The following CAMK2A variants were observed in gnomAD, a reference collection of about 807,000 sequenced individuals.
CAMK2A encodes calcium/calmodulin dependent protein kinase II alpha.
In CAMK2A, 7 loss-of-function variants were observed where a neutral mutation model predicts 79.2. The ratio of observed to expected loss-of-function variants is 0.09; its 90% CI spans 0.05 to 0.17. CAMK2A has a LOEUF of 0.17. Among genes scored for constraint, CAMK2A ranks in the 10% least tolerant of loss-of-function variants. The pLI, the probability that CAMK2A is intolerant of heterozygous loss-of-function variation, is 1.00. For synonymous variants in CAMK2A, 242 were observed against 251.7 expected, an observed-to-expected ratio of 0.96 and a Z score of 0.36; for missense variants, 214 against 646.4, an observed-to-expected ratio of 0.33 and a Z score of 7.25.
In CAMK2A at chr5:150,221,957, T is replaced by C; in HGVS notation, c.*753A>G. 1 of 212,956 alleles carries C rather than the reference T, an allele frequency of 4.7e-6. No individual in the cohort carries two copies. Among genetic ancestry groups the C allele is most frequent in the Non-Finnish European group, 9.3e-6 (1 of 107,510 alleles). The allele number at this position is 212,956 out of a possible 1,614,324, so 13.2% of individuals were successfully genotyped here. A position where few individuals can be genotyped will look rare whatever the true frequency, so the allele number is the denominator to read the frequency against. Reference sequence around the variant, plus strand: ...TAGAAGTGATACCTAAACGTTGCTTTCTTTTGCCCCCCAAAAACAATTAGA... The same window carrying C: ...TAGAAGTGATACCTAAACGTTGCTTCCTTTTGCCCCCCAAAAACAATTAGA... On this transcript the variant is annotated 3_prime_UTR_variant, in exon 19 of 19. Transcript: ENST00000671881.
intron 2 of CAMK2A, among the ~76,000 whole-genome samples, chr5:150,269,855 C>G (rs1215326073): frequency 6.6e-6 from 1 of 152,170 alleles, no homozygotes; most frequent in Non-Finnish European, 1.5e-5. Context: ...CATGTCTTGC[C>G]GTCCCCTCAG....
intron 16 of CAMK2A, among the ~76,000 whole-genome samples, chr5:150,230,186 C>T (rs984323811): frequency 1.3e-5 from 2 of 151,966 alleles, no homozygotes; most frequent in South Asian, 2.1e-4. Flanking sequence ...GGCGTGGTGG[C>T]GTGCACCTGT....
chr5:150,225,322 C>T (rs1409650881), intron 17 of CAMK2A, among the ~76,000 whole-genome samples: 2 of 152,076 alleles, frequency 1.3e-5, no homozygotes, highest in Non-Finnish European at 2.9e-5. Context: ...TACCCCTGTG[C>T]ATAGGGTGGG....
chr5:150,238,455 AAAATAAAATAAAAAT>A lies in CAMK2A; in HGVS notation c.1066+230_1066+244del, dbSNP rs534192067. On this transcript the variant is annotated intron_variant, in intron 15 of 18. Coordinates refer to ENST00000671881, the MANE Select transcript of CAMK2A (RefSeq NM_015981.4). ...CGACAGAGCGAGACGTCATCTCAAAAAAATAAAATAAAAATAAATAAAATAAGAAAACCTATCTAC... is the reference window on the plus strand; with the variant it reads ...CGACAGAGCGAGACGTCATCTCAAAAAAATAAAATAAGAAAACCTATCTAC... The A allele has an allele frequency of 1.4e-3, 613 of 431,518 alleles. 2 individuals carry two copies. Among genetic ancestry groups the A allele is most frequent in the African/African-American group, 0.012 (559 of 48,346 alleles). The allele number at this position is 431,518 out of a possible 1,614,324, so 26.7% of individuals were successfully genotyped here. A position where few individuals can be genotyped will look rare whatever the true frequency, so the allele number is the denominator to read the frequency against.
intron 3 of CAMK2A, 115 bp downstream of exon 3, chr5:150,264,841 A>C: frequency 1.3e-6 from 1 of 764,962 alleles, no homozygotes; most frequent in Admixed American, 1.9e-5. Flanking sequence ...TGCTGCCTCC[A>C]TCCCCAGAGA....
intron 15 of CAMK2A, chr5:150,238,493 T>G: frequency 1.5e-6 from 1 of 646,364 alleles, no homozygotes; most frequent in South Asian, 1.7e-5. Context: ...AAAACCTATC[T>G]ACACACCAGC....
At chr5:150,224,272 C>G (rs771117718) in intron 17 of CAMK2A, among the ~76,000 whole-genome samples, 1 of 152,138 alleles carries the variant, frequency 6.6e-6, no homozygotes, top group African/African-American at 2.4e-5. Flanking sequence ...GTATCTTGGG[C>G]TTGAGAGGAG....
At chr5:150,230,133 C>G (rs1754774125) in intron 16 of CAMK2A, among the ~76,000 whole-genome samples, 1 of 151,986 alleles carries the variant, frequency 6.6e-6, no homozygotes, top group Non-Finnish European at 1.5e-5. Flanking sequence ...GCCTGACCAA[C>G]ATGGTGAAAC....
In CAMK2A at chr5:150,265,173, G is replaced by T. The variant is rs1050332140; in HGVS notation, c.158-158C>A. 1.9e-5 allele frequency: 12 copies of T among 645,470 alleles called. No individual in the cohort carries two copies. In the East Asian group the frequency reaches 3.4e-4, roughly 18 times the overall value. 40.0% of individuals were successfully genotyped at this position (645,470 alleles called of 1,614,324 possible). A position where few individuals can be genotyped will look rare whatever the true frequency, so the allele number is the denominator to read the frequency against. ...CCAGGGCCTCTGAGTTCTCCAGGAA[G>T]ACCATGGGGTGCAGTGGAAAGAGGA... On this transcript the variant is annotated intron_variant, in intron 2 of 18. Coordinates refer to ENST00000671881, the MANE Select transcript of CAMK2A (RefSeq NM_015981.4).
At chr5:150,289,388 T>A (rs1466839769) in intron 1 of CAMK2A, among the ~76,000 whole-genome samples, 176 bp downstream of exon 1, 1 of 152,082 alleles carries the variant, frequency 6.6e-6, no homozygotes, top group Non-Finnish European at 1.5e-5. Context: ...CCCACAAACA[T>A]ACCCACGCCC....
intron 3 of CAMK2A, among the ~76,000 whole-genome samples, chr5:150,259,076 A>T (rs1055352279): frequency 4.6e-5 from 7 of 152,034 alleles, no homozygotes; most frequent in African/African-American, 1.7e-4. Context: ...GCTACTCCAG[A>T]GGCTGAGGCA....
intron 17 of CAMK2A, among the ~76,000 whole-genome samples, chr5:150,225,296 G>C (rs781392356): frequency 6.6e-6 from 1 of 152,080 alleles, no homozygotes; most frequent in African/African-American, 2.4e-5. Flanking sequence ...TGAAAAGATA[G>C]GTGGCTTCCA....
intron 11 of CAMK2A, among the ~76,000 whole-genome samples, chr5:150,249,553 G>T (rs200910411): frequency 2.1e-5 from 3 of 145,826 alleles, no homozygotes; most frequent in South Asian, 2.2e-4. Context: ...TCTTTTTTTT[G>T]TTTTTTTTTT....
chr5:150,242,869 T>C (rs1029681307), intron 13 of CAMK2A, among the ~76,000 whole-genome samples: 2 of 152,184 alleles, frequency 1.3e-5, no homozygotes, highest in African/African-American at 4.8e-5. Context: ...TATCTTCCAA[T>C]AGGACTTCTT....
chr5:150,266,065 C>T (rs1756500825), intron 2 of CAMK2A, among the ~76,000 whole-genome samples: 1 of 152,168 alleles, frequency 6.6e-6, no homozygotes, highest in South Asian at 2.1e-4. Context: ...AAGCCACCTC[C>T]CTTTCAGGAG....
chr5:150,238,019 C>T (rs1755159577), intron 15 of CAMK2A, among the ~76,000 whole-genome samples: 1 of 152,204 alleles, frequency 6.6e-6, no homozygotes, highest in African/African-American at 2.4e-5. Flanking sequence ...ACAGTTATTA[C>T]TGTTTTTAAA....
chr5:150,264,276 G>C, intron 3 of CAMK2A, among the ~76,000 whole-genome samples: 1 of 152,208 alleles, frequency 6.6e-6, no homozygotes, highest in Non-Finnish European at 1.5e-5. Context: ...AGAGAGGGCA[G>C]TGCTCCTGCC....
At chr5:150,287,939 G>C (rs1029922293) in intron 1 of CAMK2A, among the ~76,000 whole-genome samples, 62 of 115,016 alleles carry the variant, frequency 5.4e-4, no homozygotes, top group African/African-American at 2.4e-3. Flanking sequence ...GATAGCCTCT[G>C]TGTGTGTGTG....
intron 13 of CAMK2A, among the ~76,000 whole-genome samples, chr5:150,242,684 G>A (rs192093895): frequency 7.2e-5 from 11 of 152,248 alleles, no homozygotes; most frequent in Admixed American, 3.9e-4. Context: ...TCACCCAGGG[G>A]GAGAACAGTA....
Sources: allele counts gnomAD v4.1 joint callset (sites outside exome capture counted in the v4.1 genomes callset), GRCh38; gene constraint gnomAD v4.1.1; transcripts MANE v1.5; gene names NCBI Gene and HGNC (gene_info 2026-07-23, HGNC 2026-07-21).